VPS13C: variants seen among roughly 807,000 people sequenced by gnomAD.
The protein encoded by VPS13C is intermembrane lipid transfer protein VPS13C.
In VPS13C, 358 loss-of-function variants were observed where a neutral mutation model predicts 456.8. The ratio of observed to expected loss-of-function variants is 0.78; its 90% CI spans 0.72 to 0.86. The LOEUF (loss-of-function observed/expected upper bound fraction) is 0.86. Ranked by LOEUF, VPS13C falls within the 40% of genes least tolerant of loss-of-function variation. The pLI is 0.00. For missense variants in VPS13C, 4,818 were observed against 4,385.4 expected (o/e 1.10, Z -2.79); for synonymous variants, 1,578 against 1,486.7 (o/e 1.06, Z -1.41).
intron 45 of VPS13C, among the ~76,000 whole-genome samples, chr15:61,944,188 C>T (rs2044528384): frequency 6.6e-6 from 1 of 151,968 alleles, no homozygotes; most frequent in Non-Finnish European, 1.5e-5. Flanking sequence ...CATAACTATT[C>T]ATGCAAATCT....
intron 66 of VPS13C, among the ~76,000 whole-genome samples, chr15:61,901,686 T>C (rs986574851): frequency 2.0e-5 from 3 of 151,832 alleles, no homozygotes; most frequent in South Asian, 2.1e-4. Context: ...AGTTCAACCA[T>C]TGTGGAAGTC....
chr15:61,854,883 G>A lies in VPS13C; in HGVS notation c.11148C>T (p.Thr3716=), dbSNP rs138431400. The A allele has an allele frequency of 2.7e-5, 43 of 1,612,596 alleles. 1 individual carries two copies. The South Asian group carries it at 3.7e-4, about 14-fold the overall frequency. Reference sequence around the variant, plus strand: ...TTAAATTGTTTACCTCTGCTGTGGCGGTGTCCTTCAGGTAAACTTTTCGAA... The same window carrying A: ...TTAAATTGTTTACCTCTGCTGTGGCAGTGTCCTTCAGGTAAACTTTTCGAA... ...GCVRKVYLKD[T]ATAERACNAI... is the part of the protein sequence containing the mutation. The change falls in exon 84 of 85, where the codon ACC becomes ACT. Residue 3716 remains threonine (T), a synonymous_variant. Coordinates refer to ENST00000644861, the MANE Select transcript of VPS13C (RefSeq NM_020821.3).
chr15:61,863,608 A>G (rs1894347473), intron 81 of VPS13C, 80 bp from the exon 82 acceptor site: 1 of 858,262 alleles, frequency 1.2e-6, no homozygotes, highest in African/African-American at 1.7e-5. Context: ...AGCTAATTAT[A>G]ATAATAGTGT....
At position 61,982,505 on chromosome 15, in the gene VPS13C, T is replaced by C; in HGVS notation, c.1983A>G (p.Ser661=). Residue 661 remains serine, a synonymous_variant, in exon 21 of 85, where the codon TCA becomes TCG. Transcript: ENST00000644861. Reference sequence around the variant, plus strand: ...TTTCTTCCAGCTTCATCAATGTTGCTGATGTTATTTGCTCAAGATCCAATC... The same window carrying C: ...TTTCTTCCAGCTTCATCAATGTTGCCGATGTTATTTGCTCAAGATCCAATC... ...NKGLDLEQIT[S]ATLMKLEEIK... is the part of the protein sequence containing the mutation. 2 of 1,610,190 alleles carry C rather than the reference T, an allele frequency of 1.2e-6. No homozygotes were observed. Among genetic ancestry groups the C allele is most frequent in the Non-Finnish European group, 1.7e-6 (2 of 1,178,788 alleles).
At chr15:61,875,668 G>A (rs1895364579) in intron 76 of VPS13C, 64 bp downstream of exon 76, 2 of 1,115,652 alleles carry the variant, frequency 1.8e-6, no homozygotes, top group Non-Finnish European at 2.7e-6. Flanking sequence ...ATTACTATTT[G>A]TTATTAAAAA....
chr15:62,001,896 A>AT (rs1354502478), intron 15 of VPS13C, among the ~76,000 whole-genome samples: 2 of 152,064 alleles, frequency 1.3e-5, no homozygotes, highest in Admixed American at 1.3e-4. Context: ...TATGTGCCAC[A>AT]TTTTCTTAAT....
chr15:61,910,202 C>T lies in VPS13C; in HGVS notation c.8819G>A (p.Gly2940Asp), dbSNP rs1269361011. Residue 2940 changes from glycine to aspartate, a missense_variant, in exon 64 of 85, where the codon GGC (glycine) becomes GAC (aspartate). Physicochemically the swap from Gly to Asp is moderately conservative, Grantham distance 94. Coordinates refer to ENST00000644861, the MANE Select transcript of VPS13C (RefSeq NM_020821.3). ...CAGATCTTCTAAGCTCAATAAAGTGCCATTATCCTGTCGGTTATAAAAGAA... is the reference window on the plus strand; with the variant it reads ...CAGATCTTCTAAGCTCAATAAAGTGTCATTATCCTGTCGGTTATAAAAGAA... ...KPFFYNRQDN[G>D]TLLSLEDLNG... The T allele has an allele frequency of 6.2e-6, 9 of 1,456,772 alleles. No homozygotes were observed. The highest frequency in any genetic ancestry group is 8.2e-6 in the Non-Finnish European group (9 of 1,094,684). The allele number at this position is 1,456,772 out of a possible 1,614,324, so 90.2% of individuals were successfully genotyped here. A position where few individuals can be genotyped will look rare whatever the true frequency, so the allele number is the denominator to read the frequency against.
At chr15:61,873,959 T>TACACACACACAC (rs67985179) in intron 77 of VPS13C, among the ~76,000 whole-genome samples, 7,913 of 149,768 alleles carry the variant, frequency 0.053, 274 homozygotes, top group Non-Finnish European at 0.077. Context: ...GAAAATGTGA[T>TACACACACACAC]ACACACACAC....
chr15:61,941,160 T>C (rs2044408229), intron 46 of VPS13C, among the ~76,000 whole-genome samples: 1 of 152,244 alleles, frequency 6.6e-6, no homozygotes, highest in Admixed American at 6.5e-5. Flanking sequence ...AGTAATCTTA[T>C]ACTTAGCCCT....
At position 61,875,926 on chromosome 15, in the gene VPS13C, A is replaced by G. The variant is rs1390144901; in HGVS notation, c.10225-81T>C. ...TAATGAAATAGAAAAAAAGAGATTT[A>G]CTGATAAAATTAAGTTTGTGTTAAA... On this transcript the variant is annotated intron_variant, in intron 75 of 84. Transcript: ENST00000644861. 1.0e-5 allele frequency: 10 copies of G among 965,090 alleles called. No individual in the cohort carries two copies. In the East Asian group the frequency reaches 1.9e-4, roughly 18 times the overall value. 59.8% of individuals were successfully genotyped at this position (965,090 alleles called of 1,614,324 possible).
chr15:61,907,111 A>G, intron 66 of VPS13C, 153 bp downstream of exon 66: 1 of 1,004,982 alleles, frequency 1.0e-6, no homozygotes, highest in Non-Finnish European at 1.5e-6. Flanking sequence ...TTTGAACTAC[A>G]GTATTTGCCA....
At chr15:62,000,653 C>T in intron 15 of VPS13C, 27 bp from the exon 16 acceptor site, 1 of 1,571,238 alleles carries the variant, frequency 6.4e-7, no homozygotes, top group Non-Finnish European at 8.6e-7. Context: ...CACTTATAAA[C>T]AAGAAATTTA....
chr15:61,969,255 C>G (rs1182743469), intron 28 of VPS13C, 44 bp downstream of exon 28: 1 of 1,403,870 alleles, frequency 7.1e-7, no homozygotes, highest in East Asian at 2.4e-5. Flanking sequence ...CTCAAAAGTC[C>G]TATCTTTATT....
intron 2 of VPS13C, among the ~76,000 whole-genome samples, chr15:62,043,938 T>C (rs144510452): frequency 3.7e-4 from 57 of 152,212 alleles, no homozygotes; most frequent in African/African-American, 1.3e-3. Context: ...TGAAGGAAAA[T>C]ATTGCTATAA....
At chr15:61,991,640 A>T in intron 17 of VPS13C, 33 bp downstream of exon 17, 1 of 1,595,666 alleles carries the variant, frequency 6.3e-7, no homozygotes, top group Non-Finnish European at 8.5e-7. Flanking sequence ...TTAACTTAAC[A>T]CTGTACAATA....
chr15:61,929,862 T>C (rs1230221411), intron 50 of VPS13C, 114 bp from the exon 51 acceptor site: 1 of 1,079,640 alleles, frequency 9.3e-7, no homozygotes, highest in Admixed American at 2.9e-5. Context: ...CTAATCTGTA[T>C]AGAAAACAGG....
intron 16 of VPS13C, among the ~76,000 whole-genome samples, chr15:61,996,690 A>G (rs1472218674): frequency 6.6e-6 from 1 of 152,088 alleles, no homozygotes; most frequent in Non-Finnish European, 1.5e-5. Context: ...TAGTAATTTT[A>G]GACCTGAAAA....
intron 80 of VPS13C, among the ~76,000 whole-genome samples, chr15:61,869,051 A>T (rs1200299036): frequency 6.6e-6 from 1 of 152,122 alleles, no homozygotes; most frequent in African/African-American, 2.4e-5. Context: ...CATGGTAGGT[A>T]ATAAACATTT....
chr15:61,916,317 C>A (rs1356016925), intron 60 of VPS13C, among the ~76,000 whole-genome samples: 2 of 152,166 alleles, frequency 1.3e-5, no homozygotes, highest in East Asian at 1.9e-4. Flanking sequence ...GGAAGCCTGG[C>A]TGTTGTCCAT....
Sources: gnomAD v4.1 joint callset for allele counts (sites outside exome capture counted in the v4.1 genomes callset) on GRCh38, gnomAD v4.1.1 for gene constraint, MANE v1.5 for transcripts, NCBI Gene and HGNC (gene_info 2026-07-23, HGNC 2026-07-21) for gene names.